Variants in SHB observed in about 807,000 individuals in gnomAD.
SHB encodes SH2 domain-containing adapter protein B.
Under a neutral mutation model 52.3 loss-of-function variants are expected in SHB, and 20 were observed. That is an observed-to-expected ratio of 0.38 (90% CI 0.27 to 0.56). SHB has a LOEUF of 0.56. Among genes scored for constraint, SHB ranks in the 20% least tolerant of loss-of-function variants. The pLI is 0.71. For missense variants in SHB, 825 were observed against 723.3 expected, an observed-to-expected ratio of 1.14 and a Z score of -1.61; for synonymous variants, 397 against 316.5, an observed-to-expected ratio of 1.25 and a Z score of -2.70.
chr9:38,065,119 T>G (rs1821944463), intron 1 of SHB, among the ~76,000 whole-genome samples: 1 of 151,998 alleles, frequency 6.6e-6, no homozygotes, highest in African/African-American at 2.4e-5. Flanking sequence ...AGATAAAGAC[T>G]AAATGAGGTG....
rs530588281 is a variant in SHB, at chr9:38,039,314, C to CA, written c.718-23184dup. Among the ~76,000 whole-genome samples, 436 of 152,216 alleles carry CA rather than the reference C, an allele frequency of 2.9e-3. 3 individuals are homozygous for CA. The highest frequency in any genetic ancestry group is 0.01 in the African/African-American group (416 of 41,524). ...AAAACTGACAAAATGGGCTCTTTTG[C>CA]AAAAAAGAGCATTTTGAATGATAAG... On this transcript the variant is annotated intron_variant, in intron 1 of 5. Coordinates refer to ENST00000377707, the MANE Select transcript of SHB (RefSeq NM_003028.3).
chr9:38,000,994 T>C (rs1821006098), intron 2 of SHB, among the ~76,000 whole-genome samples: 1 of 152,206 alleles, frequency 6.6e-6, no homozygotes, highest in African/African-American at 2.4e-5. Context: ...GGTGTGAGAA[T>C]CCAATCAGCA....
chr9:38,003,932 C>G (rs1261376582), intron 2 of SHB, among the ~76,000 whole-genome samples: 5 of 152,114 alleles, frequency 3.3e-5, no homozygotes, highest in African/African-American at 1.2e-4. Context: ...TGGGGGCCTC[C>G]TGGCTCCAGG....
At chr9:37,938,842 AGAGT>A (rs1286138263) in intron 5 of SHB, among the ~76,000 whole-genome samples, 12 of 152,212 alleles carry the variant, frequency 7.9e-5, no homozygotes, top group Admixed American at 7.2e-4. Flanking sequence ...GTGAACTGGC[AGAGT>A]GAGGCAGAAT....
In SHB at chr9:38,067,988, G is replaced by T; in HGVS notation, c.658C>A (p.Leu220Met). 1 of 1,546,636 alleles carries T rather than the reference G, an allele frequency of 6.5e-7. No individual in the cohort carries two copies. The highest frequency in any genetic ancestry group is 8.6e-7 in the Non-Finnish European group (1 of 1,156,132). The stretch of plus-strand genomic sequence containing the variant: ...GCTGAGGCGGCGCACTTGTTGAGCA[G>T]TTTCTTGCCTCCGCAGGCCGTCGGG... ...WSPTACGGKK[L>M]LNKCAASAAE... The change falls in exon 1 of 6, where the codon CTG (leucine) becomes ATG (methionine). Residue 220 changes from leucine (L) to methionine (M), a missense_variant. Leu to Met is a conservative substitution (Grantham distance 15). Transcript: ENST00000377707.
At chr9:37,995,098 C>T (rs1403550628) in intron 2 of SHB, among the ~76,000 whole-genome samples, 3 of 152,276 alleles carry the variant, frequency 2.0e-5, no homozygotes, top group African/African-American at 7.2e-5. Flanking sequence ...GCTGAGTTGG[C>T]GCTGCCAGAC....
intron 2 of SHB, among the ~76,000 whole-genome samples, chr9:37,981,709 C>G (rs1820726646): frequency 6.6e-6 from 1 of 152,164 alleles, no homozygotes; most frequent in Non-Finnish European, 1.5e-5. Context: ...AGATGTGTGA[C>G]TCTCCCTTTC....
At chr9:37,955,160 G>C (rs888707737) in intron 4 of SHB, among the ~76,000 whole-genome samples, 1 of 152,198 alleles carries the variant, frequency 6.6e-6, no homozygotes. Flanking sequence ...TAGGGGAAAG[G>C]ATTTAGTTTA....
chr9:37,986,016 C>T (rs897101017), intron 2 of SHB, among the ~76,000 whole-genome samples: 9 of 152,262 alleles, frequency 5.9e-5, no homozygotes, highest in African/African-American at 1.7e-4. Context: ...CTAGTTCTGC[C>T]TGGCTCCCAG....
chr9:38,026,425 C>T (rs1466676188), intron 1 of SHB, among the ~76,000 whole-genome samples: 1 of 152,242 alleles, frequency 6.6e-6, no homozygotes. Context: ...TCTCCCCGAA[C>T]GGGACCCATT....
chr9:38,067,952 TCTC>T lies in SHB; in HGVS notation c.691_693del (p.Glu231del). ...ACCTTGTCCTTCTTGCCGGCCCCGC[TCTC>T]CTCCGCGGCTGAGGCGGCGCACTTG... On this transcript the variant is annotated inframe_deletion, in exon 1 of 6. Transcript: ENST00000377707. 1.3e-6 allele frequency: 2 copies of T among 1,546,270 alleles called. No homozygotes were observed. The highest frequency in any genetic ancestry group is 1.7e-6 in the Non-Finnish European group (2 of 1,156,474).
intron 5 of SHB, among the ~76,000 whole-genome samples, chr9:37,948,343 C>A (rs1832518151): frequency 6.6e-6 from 1 of 152,168 alleles, no homozygotes; most frequent in Non-Finnish European, 1.5e-5. Flanking sequence ...ATGAGGCATG[C>A]TAGGAACTTC....
intron 5 of SHB, among the ~76,000 whole-genome samples, chr9:37,945,829 G>C (rs186212008): frequency 5.9e-5 from 9 of 152,260 alleles, no homozygotes; most frequent in African/African-American, 2.2e-4. Context: ...GATGTCATTG[G>C]TGGAGGTGGC....
intron 5 of SHB, among the ~76,000 whole-genome samples, chr9:37,930,863 T>C (rs1225167951): frequency 2.0e-5 from 3 of 152,162 alleles, no homozygotes; most frequent in African/African-American, 7.2e-5. Context: ...GATTTGAAAT[T>C]ATATTACAAA....
chr9:37,976,197 G>T (rs867083922), intron 2 of SHB, among the ~76,000 whole-genome samples: 2 of 152,102 alleles, frequency 1.3e-5, no homozygotes, highest in Non-Finnish European at 2.9e-5. Flanking sequence ...CACCACACCT[G>T]GCTAATTTTT....
At chr9:38,064,105 T>C (rs1821931371) in intron 1 of SHB, among the ~76,000 whole-genome samples, 2 of 152,100 alleles carry the variant, frequency 1.3e-5, no homozygotes, top group Non-Finnish European at 2.9e-5. Context: ...TTTTTTTTTT[T>C]TCATAAAGCA....
At chr9:38,042,958 G>A (rs1024320681) in intron 1 of SHB, among the ~76,000 whole-genome samples, 6 of 152,030 alleles carry the variant, frequency 3.9e-5, no homozygotes, top group East Asian at 3.9e-4. Context: ...CTGCCAGACC[G>A]CCCACAACCC....
At chr9:37,970,032 G>A (rs757246508) in intron 3 of SHB, among the ~76,000 whole-genome samples, 12 of 152,200 alleles carry the variant, frequency 7.9e-5, no homozygotes, top group Non-Finnish European at 1.3e-4. Flanking sequence ...TGTCTCTGCC[G>A]GGTGGGAAGG....
At chr9:38,016,269 CAG>C in intron 1 of SHB, 138 bp from the exon 2 acceptor site, 1 of 780,736 alleles carries the variant, frequency 1.3e-6, no homozygotes, top group East Asian at 2.7e-5. Context: ...CGCCCGGACT[CAG>C]GGAGCTCCAC....
Sources: gnomAD v4.1 joint callset for allele counts (sites outside exome capture counted in the v4.1 genomes callset) on GRCh38, gnomAD v4.1.1 for gene constraint, MANE v1.5 for transcripts, NCBI Gene and HGNC (gene_info 2026-07-23, HGNC 2026-07-21) for gene names.